Variants in MMP16 observed in about 807,000 individuals in gnomAD.
MMP16 encodes the protein matrix metallopeptidase 16, also known as matrix metalloproteinase-16.
Under a neutral mutation model 67.8 loss-of-function variants are expected in MMP16, and 12 were observed. The ratio of observed to expected loss-of-function variants is 0.18; its 90% confidence interval spans 0.11 to 0.29. The LOEUF (loss-of-function observed/expected upper bound fraction) is 0.29. Among genes scored for constraint, MMP16 ranks in the 10% least tolerant of loss-of-function variants. The pLI, the probability that MMP16 is intolerant of heterozygous loss-of-function variation, is 1.00. For missense variants in MMP16, 475 were observed against 765.7 expected (o/e 0.62, Z 4.48); for synonymous variants, 249 against 255.9 (o/e 0.97, Z 0.26).
intron 4 of MMP16, among the ~76,000 whole-genome samples, chr8:88,121,831 T>C (rs754294110): frequency 2.0e-5 from 3 of 152,096 alleles, no homozygotes; most frequent in Non-Finnish European, 4.4e-5. Context: ...TTCTTTGTCA[T>C]AATTATGTCT....
chr8:88,035,508 ATACT>A lies in MMP16; in HGVS notation c.*5949_*5952del, dbSNP rs1019112347. 1.3e-5 allele frequency: 2 copies of A among 152,042 alleles called. No individual in the cohort carries two copies. Among genetic ancestry groups the A allele is most frequent in the African/African-American group, 4.8e-5 (2 of 41,434 alleles). 9.4% of individuals were successfully genotyped at this position (152,042 alleles called of 1,614,324 possible). ...AAATGTCTTTCATACATAACTTTTT[ATACT>A]TACTCTGCACTGACCATGAGTTCTG... On this transcript the variant is annotated 3_prime_UTR_variant, in exon 10 of 10. Coordinates refer to ENST00000286614, the MANE Select transcript of MMP16 (RefSeq NM_005941.5). This position sits in a 1 kb window ranked among gnomAD's most constrained non-coding sequence, Gnocchi z 4.7.
At chr8:88,294,831 G>T (rs2130027702) in intron 1 of MMP16, among the ~76,000 whole-genome samples, 1 of 152,270 alleles carries the variant, frequency 6.6e-6, no homozygotes, top group African/African-American at 2.4e-5. Flanking sequence ...TCCTGCTTCA[G>T]CCTCCTGAGA....
chr8:88,035,448 GA>G lies in MMP16; in HGVS notation c.*6012del. On this transcript the variant is annotated 3_prime_UTR_variant, in exon 10 of 10. Transcript: ENST00000286614. This position sits in a 1 kb window ranked among gnomAD's most constrained non-coding sequence, Gnocchi z 4.7. ...TCTAAGACACACTCATCTTTAAGTT[GA>G]AAAGGCATAGAATCCTCAGAAATCT... 6.6e-6 allele frequency: 1 copy of G among 152,074 alleles called. No individual in the cohort carries two copies. Among genetic ancestry groups the G allele is most frequent in the East Asian group, 1.9e-4 (1 of 5,174 alleles). The allele number at this position is 152,074 out of a possible 1,614,324, so 9.4% of individuals were successfully genotyped here.
chr8:88,278,126 G>T (rs889976715), intron 1 of MMP16, among the ~76,000 whole-genome samples: 6 of 152,178 alleles, frequency 3.9e-5, no homozygotes, highest in African/African-American at 1.4e-4. Context: ...ATTTAAGTCT[G>T]CTCCTCCTCC....
intron 1 of MMP16, among the ~76,000 whole-genome samples, chr8:88,321,764 A>G (rs1316254714): frequency 6.6e-6 from 1 of 152,146 alleles, no homozygotes; most frequent in Non-Finnish European, 1.5e-5. Flanking sequence ...AAAATTTCAA[A>G]TTTGGAAATG....
chr8:88,223,724 G>T (rs899342111), intron 1 of MMP16, among the ~76,000 whole-genome samples: 1 of 149,422 alleles, frequency 6.7e-6, no homozygotes, highest in Non-Finnish European at 1.5e-5. Flanking sequence ...ATAGCATTAG[G>T]AGATATACCT....
intron 6 of MMP16, among the ~76,000 whole-genome samples, chr8:88,082,333 G>T (rs1225125912): frequency 2.0e-5 from 3 of 152,038 alleles, no homozygotes; most frequent in Admixed American, 2.0e-4. Context: ...GTGCAAAATG[G>T]CATGATGCCT....
chr8:88,102,327 A>G (rs2118381793), intron 6 of MMP16, among the ~76,000 whole-genome samples: 1 of 151,896 alleles, frequency 6.6e-6, no homozygotes, highest in South Asian at 2.1e-4. Flanking sequence ...TAATTTACAG[A>G]TGTGTCACAC....
intron 6 of MMP16, among the ~76,000 whole-genome samples, chr8:88,087,785 A>C (rs1052921741): frequency 2.0e-5 from 3 of 151,476 alleles, no homozygotes; most frequent in African/African-American, 4.9e-5. Flanking sequence ...CTCTACAAAA[A>C]ACAAAAAAAT....
chr8:88,325,944 G>T (rs1811530371), intron 1 of MMP16, among the ~76,000 whole-genome samples: 1 of 151,988 alleles, frequency 6.6e-6, no homozygotes, highest in African/African-American at 2.4e-5. Context: ...GTATCAATTG[G>T]TTACATGAAG....
chr8:88,085,280 C>T (rs1808815148), intron 6 of MMP16, among the ~76,000 whole-genome samples: 1 of 152,158 alleles, frequency 6.6e-6, no homozygotes, highest in East Asian at 1.9e-4. Flanking sequence ...ATAGATGTGT[C>T]TGGCAAAGAT....
At chr8:88,078,340 C>G (rs1485714085) in intron 6 of MMP16, among the ~76,000 whole-genome samples, 1 of 152,176 alleles carries the variant, frequency 6.6e-6, no homozygotes, top group African/African-American at 2.4e-5. Flanking sequence ...AGAACCCAGA[C>G]AGATCATTTA....
chr8:88,259,529 G>A (rs1810354490), intron 1 of MMP16, among the ~76,000 whole-genome samples: 1 of 151,902 alleles, frequency 6.6e-6, no homozygotes, highest in East Asian at 1.9e-4. Flanking sequence ...ATTTAAACGT[G>A]TGGGAAATGT....
chr8:88,248,594 T>A (rs1197709615), intron 1 of MMP16, among the ~76,000 whole-genome samples: 1 of 152,202 alleles, frequency 6.6e-6, no homozygotes, highest in East Asian at 1.9e-4. Context: ...CCGATCCTCC[T>A]GGATTAAGTG....
chr8:88,063,751 T>C (rs1824717), intron 7 of MMP16, among the ~76,000 whole-genome samples: 78,764 of 151,782 alleles, frequency 0.52, 20,774 homozygotes, highest in East Asian at 0.7. Context: ...TATCTTACTA[T>C]GCAAAATTGA....
chr8:88,301,553 T>C (rs959966756), intron 1 of MMP16, among the ~76,000 whole-genome samples: 8 of 152,222 alleles, frequency 5.3e-5, no homozygotes, highest in African/African-American at 1.9e-4. Flanking sequence ...ATACTCTATA[T>C]TTTCCCTTTA....
At position 88,327,380 on chromosome 8, in the gene MMP16, C is replaced by T; in HGVS notation, c.-174G>A. On this transcript the variant is annotated 5_prime_UTR_variant, in exon 1 of 10. Transcript: ENST00000286614. The stretch of plus-strand genomic sequence containing the variant: ...CAGGGGCCCCGCGCTCGGCAGCCCC[C>T]GAGAGGCAGCGGCGAAGACAGGGTC... 1 of 670,058 alleles carries T rather than the reference C, an allele frequency of 1.5e-6. No homozygotes were observed. The highest frequency in any genetic ancestry group is 2.5e-6 in the Non-Finnish European group (1 of 402,958). 41.5% of individuals were successfully genotyped at this position (670,058 alleles called of 1,614,324 possible).
chr8:88,323,526 T>C (rs993464948), intron 1 of MMP16, among the ~76,000 whole-genome samples: 9 of 152,180 alleles, frequency 5.9e-5, no homozygotes, highest in African/African-American at 2.2e-4. Context: ...ATCAAGACTT[T>C]TTTTGTCACA....
chr8:88,093,272 CTT>C (rs1808969863), intron 6 of MMP16, among the ~76,000 whole-genome samples: 1 of 151,836 alleles, frequency 6.6e-6, no homozygotes, highest in Non-Finnish European at 1.5e-5. Context: ...CAGAAGCCGA[CTT>C]TTGATTATAA....
Sources: allele counts gnomAD v4.1 joint callset (sites outside exome capture counted in the v4.1 genomes callset), GRCh38; gene constraint gnomAD v4.1.1; non-coding constraint Gnocchi (gnomAD v3.1); transcripts MANE v1.5; gene names NCBI Gene and HGNC (gene_info 2026-07-23, HGNC 2026-07-21).